Variants in THSD7B observed in about 807,000 individuals in gnomAD.
THSD7B encodes the protein thrombospondin type-1 domain-containing protein 7B.
THSD7B carries 138 observed loss-of-function variants against 213.6 expected under a neutral mutation model. The observed-to-expected ratio is 0.65, with a 90% CI of 0.56 to 0.74. THSD7B has a LOEUF of 0.74. Among genes scored for constraint, THSD7B ranks in the 30% least tolerant of loss-of-function variants. The pLI, the probability that THSD7B is intolerant of heterozygous loss-of-function variation, is 0.00. For missense variants in THSD7B, 1,931 were observed against 1,991.5 expected, an observed-to-expected ratio of 0.97 and a Z score of 0.58; for synonymous variants, 742 against 687.0, an observed-to-expected ratio of 1.08 and a Z score of -1.25.
intron 15 of THSD7B, among the ~76,000 whole-genome samples, chr2:137,502,320 A>G (rs1421463851): frequency 6.6e-6 from 1 of 152,040 alleles, no homozygotes; most frequent in Non-Finnish European, 1.5e-5. Flanking sequence ...ACACACACGT[A>G]TATATGTATG....
intron 17 of THSD7B, among the ~76,000 whole-genome samples, chr2:137,587,977 C>G (rs184886856): frequency 5.2e-4 from 79 of 152,312 alleles, no homozygotes; most frequent in African/African-American, 1.9e-3. Context: ...CTGTGGTGGG[C>G]TCCACCCAGT....
intron 2 of THSD7B, among the ~76,000 whole-genome samples, chr2:136,995,271 G>C (rs1451377143): frequency 6.6e-6 from 1 of 152,144 alleles, no homozygotes; most frequent in Non-Finnish European, 1.5e-5. Context: ...AGCAGGGAAA[G>C]CTGGGATGGT....
chr2:137,271,256 A>G (rs370884755), intron 10 of THSD7B, among the ~76,000 whole-genome samples: 2 of 150,928 alleles, frequency 1.3e-5, no homozygotes, highest in South Asian at 4.2e-4. Flanking sequence ...CCAGAGCCGT[A>G]CTCACATACC....
intron 5 of THSD7B, among the ~76,000 whole-genome samples, chr2:137,126,074 C>T (rs1245322428): frequency 1.3e-5 from 2 of 152,084 alleles, no homozygotes; most frequent in African/African-American, 2.4e-5. Flanking sequence ...AAAAATAGAG[C>T]TAGCATAATT....
At chr2:137,578,250 T>A (rs1382772729) in intron 17 of THSD7B, among the ~76,000 whole-genome samples, 2 of 152,084 alleles carry the variant, frequency 1.3e-5, no homozygotes, top group Non-Finnish European at 2.9e-5. Context: ...CACAAAATAC[T>A]GAAAAGAAAA....
Position 136,893,721 on chromosome 2 carries a change from A to G in THSD7B, c.139+11404A>G, listed in dbSNP as rs77979401. Among the ~76,000 whole-genome samples, 208 of 152,278 alleles carry G rather than the reference A, an allele frequency of 1.4e-3. 5 individuals carry two copies. The East Asian group carries it at 0.035, about 26-fold the overall frequency. On this transcript the variant is annotated intron_variant, in intron 2 of 27. Coordinates refer to ENST00000409968, the MANE Select transcript of THSD7B (RefSeq NM_001316349.2). The stretch of plus-strand genomic sequence containing the variant: ...TGTACCTTATGGATTTACCCTATTT[A>G]TGCAGTTATTTTGATATTTCACTAA...
intron 4 of THSD7B, among the ~76,000 whole-genome samples, chr2:137,100,095 AT>A (rs1377908135): frequency 1.1e-5 from 1 of 89,634 alleles, no homozygotes; most frequent in East Asian, 3.4e-4. Flanking sequence ...CTAATTTTAG[AT>A]TTTCTAGACA....
At chr2:137,358,713 G>A (rs906858421) in intron 12 of THSD7B, among the ~76,000 whole-genome samples, 1 of 152,134 alleles carries the variant, frequency 6.6e-6, no homozygotes. Flanking sequence ...AGTCTCTTGA[G>A]GTCAGATGCC....
intron 7 of THSD7B, among the ~76,000 whole-genome samples, chr2:137,192,597 G>A (rs111763210): frequency 5.9e-5 from 9 of 152,228 alleles, no homozygotes; most frequent in South Asian, 2.1e-4. Flanking sequence ...CCAGAATAAT[G>A]AGTGTTTCCA....
intron 20 of THSD7B, among the ~76,000 whole-genome samples, chr2:137,627,723 A>G (rs560584202): frequency 6.6e-6 from 1 of 152,352 alleles, no homozygotes; most frequent in Non-Finnish European, 1.5e-5. Flanking sequence ...ACTAAGAAAA[A>G]TTGACAACTA....
intron 12 of THSD7B, among the ~76,000 whole-genome samples, chr2:137,370,675 GC>G (rs1407888740): frequency 7.9e-5 from 12 of 151,870 alleles, no homozygotes; most frequent in African/African-American, 2.9e-4. Flanking sequence ...CACTATGTTG[GC>G]CAGGCTGGTC....
chr2:137,346,459 G>A (rs889625563), intron 12 of THSD7B, among the ~76,000 whole-genome samples: 1 of 150,998 alleles, frequency 6.6e-6, no homozygotes, highest in South Asian at 2.1e-4. Context: ...ATAAGGCTGT[G>A]CATAATATTA....
chr2:136,779,487 T>C (rs1681690594), intron 1 of THSD7B, among the ~76,000 whole-genome samples: 2 of 152,160 alleles, frequency 1.3e-5, no homozygotes, highest in African/African-American at 4.8e-5. Flanking sequence ...TTGTATTACA[T>C]TTGGAATTGT....
intron 7 of THSD7B, among the ~76,000 whole-genome samples, chr2:137,173,676 G>C (rs1287744630): frequency 6.6e-6 from 1 of 152,184 alleles, no homozygotes; most frequent in Non-Finnish European, 1.5e-5. Flanking sequence ...CATGGTCGTG[G>C]TTCTGGGAAC....
intron 12 of THSD7B, among the ~76,000 whole-genome samples, chr2:137,386,432 G>A (rs1482065977): frequency 6.6e-6 from 1 of 152,126 alleles, no homozygotes; most frequent in Non-Finnish European, 1.5e-5. Context: ...CTGAACTGAG[G>A]TCCCCTGCTA....
chr2:137,652,352 T>C (rs1683156941), intron 21 of THSD7B, among the ~76,000 whole-genome samples: 1 of 152,134 alleles, frequency 6.6e-6, no homozygotes, highest in Non-Finnish European at 1.5e-5. Flanking sequence ...CTATTTTAGC[T>C]GATACAAATA....
rs538913907 is a variant in THSD7B at position 136,807,571 on chromosome 2, A to C, written c.-36+41884A>C. On this transcript the variant is annotated intron_variant, in intron 1 of 27. Coordinates refer to ENST00000409968, the MANE Select transcript of THSD7B (RefSeq NM_001316349.2). ...GCCCAGGCTGGAGTGCAGTGGCACA[A>C]TCTTGGCTCGCTGCAAGCTCTGCCT... 2.4e-4 allele frequency among the ~76,000 whole-genome samples: 33 copies of C among 136,404 alleles called. No homozygotes were observed. The South Asian group carries it at 8.1e-3, about 33-fold the overall frequency. The allele number at this position is 136,404 out of a possible 152,430, so 89.5% of individuals were successfully genotyped here. A position where few individuals can be genotyped will look rare whatever the true frequency, so the allele number is the denominator to read the frequency against.
At chr2:137,008,542 G>A (rs1686160253) in intron 2 of THSD7B, among the ~76,000 whole-genome samples, 1 of 152,086 alleles carries the variant, frequency 6.6e-6, no homozygotes. Context: ...GTAGAAGTAA[G>A]CTCTCTTATA....
chr2:137,170,942 T>C lies in THSD7B; in HGVS notation c.1723+4T>C. 6.2e-7 allele frequency: 1 copy of C among 1,610,700 alleles called. No homozygotes were observed. The highest frequency in any genetic ancestry group is 8.5e-7 in the Non-Finnish European group (1 of 1,178,580). On this transcript the variant is annotated splice_donor_region_variant and intron_variant, in intron 7 of 27. Transcript: ENST00000409968. ...GCCGTCTGCCAGAATGACCGCGGTA[T>C]GACCCAGTGACCCACTAGAGGTGTT...
Sources: allele counts gnomAD v4.1 joint callset (sites outside exome capture counted in the v4.1 genomes callset), GRCh38; gene constraint gnomAD v4.1.1; transcripts MANE v1.5; gene names NCBI Gene and HGNC (gene_info 2026-07-23, HGNC 2026-07-21).